Variants in PDE1C observed in about 807,000 individuals in gnomAD.
PDE1C encodes the protein phosphodiesterase 1C.
PDE1C carries 62 observed loss-of-function variants against 93.1 expected under a neutral mutation model. That is an observed-to-expected ratio of 0.67 (90% CI 0.54 to 0.82). The LOEUF is 0.82. Ranked by LOEUF, PDE1C falls within the 40% of genes least tolerant of loss-of-function variation. PDE1C has a pLI of 0.00. For missense variants in PDE1C, 742 were observed against 884.6 expected (o/e 0.84, Z 2.04); for synonymous variants, 325 against 310.1 (o/e 1.05, Z -0.50).
chr7:31,972,746 C>T lies in PDE1C; in HGVS notation c.128+78808G>A, dbSNP rs192547697. 2.0e-5 allele frequency among the ~76,000 whole-genome samples: 3 copies of T among 152,266 alleles called. No individual in the cohort carries two copies. In the East Asian group the frequency reaches 5.8e-4, roughly 29 times the overall value. On this transcript the variant is annotated intron_variant, in intron 2 of 17. Coordinates refer to ENST00000396191, the MANE Select transcript of PDE1C (RefSeq NM_001191057.4). ...AGCACAGCAACCTAAAATCTCCTAA[C>T]CACCCATCCGGAGGCAGAAGATGTC...
intron 3 of PDE1C, among the ~76,000 whole-genome samples, chr7:32,159,111 G>A (rs568816533): frequency 2.0e-5 from 3 of 152,318 alleles, no homozygotes; most frequent in East Asian, 1.9e-4. Flanking sequence ...TCTGGGAGAC[G>A]GGGAGAGGGT....
At chr7:32,411,501 G>A (rs911959535) in intron 1 of PDE1C, among the ~76,000 whole-genome samples, 5 of 152,150 alleles carry the variant, frequency 3.3e-5, no homozygotes, top group African/African-American at 9.7e-5. Flanking sequence ...TACAAATGTG[G>A]TATAAAAGAT....
At chr7:32,374,058 G>A (rs1784376637) in intron 1 of PDE1C, among the ~76,000 whole-genome samples, 2 of 120,968 alleles carry the variant, frequency 1.7e-5, no homozygotes, top group African/African-American at 3.1e-5. Flanking sequence ...AGAAAGGGAG[G>A]TAGGCAGGAA....
chr7:31,868,662 C>T (rs566605644), intron 6 of PDE1C, among the ~76,000 whole-genome samples: 90 of 152,120 alleles, frequency 5.9e-4, no homozygotes, highest in Non-Finnish European at 1.1e-3. Context: ...CCAAACGTAG[C>T]AATAGACTTA....
chr7:31,680,908 C>T, the PDE1C span, among the ~76,000 whole-genome samples: 1 of 152,124 alleles, frequency 6.6e-6, no homozygotes. Context: ...ATCAGATGCC[C>T]AGTCAAGCAT....
At chr7:31,618,548 T>C in the PDE1C span, among the ~76,000 whole-genome samples, 2 of 151,894 alleles carry the variant, frequency 1.3e-5, no homozygotes, top group African/African-American at 4.8e-5. Context: ...TCAGAAAAGG[T>C]AGAGATGATG....
intron 1 of PDE1C, among the ~76,000 whole-genome samples, chr7:32,332,273 G>C (rs1371103474): frequency 6.6e-6 from 1 of 152,046 alleles, no homozygotes; most frequent in Non-Finnish European, 1.5e-5. Context: ...ATAAACATAT[G>C]AAAAGGGGCC....
At chr7:32,124,072 G>C (rs1317157997) in intron 3 of PDE1C, among the ~76,000 whole-genome samples, 1 of 152,064 alleles carries the variant, frequency 6.6e-6, no homozygotes, top group Non-Finnish European at 1.5e-5. Context: ...TTGACAAGCA[G>C]ACAGCCAAAT....
At chr7:32,050,970 T>C (rs1268341877) in intron 2 of PDE1C, among the ~76,000 whole-genome samples, 3 of 152,212 alleles carry the variant, frequency 2.0e-5, no homozygotes, top group Non-Finnish European at 4.4e-5. Flanking sequence ...AGTGACCACC[T>C]GATCCCTCAT....
At chr7:31,691,797 T>TAAAAAAAAA in the PDE1C span, among the ~76,000 whole-genome samples, 20 of 86,520 alleles carry the variant, frequency 2.3e-4, no homozygotes, top group African/African-American at 6.7e-4. Flanking sequence ...ATGTAATGAT[T>TAAAAAAAAA]AAAAAAAAAA....
intron 12 of PDE1C, among the ~76,000 whole-genome samples, chr7:31,825,391 G>A (rs566414370): frequency 6.6e-6 from 1 of 152,242 alleles, no homozygotes; most frequent in East Asian, 1.9e-4. Flanking sequence ...AAGTGACAGA[G>A]ATGGGAGGGT....
At chr7:32,259,111 G>A (rs78901624) in intron 1 of PDE1C, among the ~76,000 whole-genome samples, 3 of 152,116 alleles carry the variant, frequency 2.0e-5, no homozygotes, top group Non-Finnish European at 2.9e-5. Flanking sequence ...CTGATTTTTA[G>A]GCATTTCACG....
At chr7:31,865,234 T>G in intron 6 of PDE1C, 152 bp from the exon 7 acceptor site, 1 of 695,262 alleles carries the variant, frequency 1.4e-6, no homozygotes, top group South Asian at 2.3e-5. Flanking sequence ...CTGACAAAAT[T>G]ATCAGATAAT....
chr7:31,815,379 A>G (rs1269763017), intron 15 of PDE1C, among the ~76,000 whole-genome samples: 2 of 152,148 alleles, frequency 1.3e-5, no homozygotes, highest in East Asian at 1.9e-4. Flanking sequence ...TATGCACACT[A>G]TGGTGACCAG....
intron 2 of PDE1C, among the ~76,000 whole-genome samples, chr7:32,026,947 T>C (rs1017847208): frequency 1.3e-5 from 2 of 152,234 alleles, no homozygotes; most frequent in African/African-American, 4.8e-5. Context: ...TCCAACTATA[T>C]GACATTCTGG....
At chr7:31,826,932 G>C (rs1211762197) in intron 12 of PDE1C, among the ~76,000 whole-genome samples, 2 of 152,124 alleles carry the variant, frequency 1.3e-5, no homozygotes, top group Non-Finnish European at 2.9e-5. Flanking sequence ...AGCAGCCATA[G>C]ACAATATGTA....
intron 9 of PDE1C, among the ~76,000 whole-genome samples, chr7:31,840,224 C>A (rs1322022808): frequency 6.6e-6 from 1 of 152,074 alleles, no homozygotes; most frequent in Non-Finnish European, 1.5e-5. Flanking sequence ...TCTTTGTTGA[C>A]TATGTCAGGC....
At chr7:31,656,625 A>G in the PDE1C span, 8 of 370,646 alleles carry the variant, frequency 2.2e-5, no homozygotes, top group East Asian at 4.9e-4. Flanking sequence ...GAGACAATGA[A>G]GAGAATGAAC....
At chr7:31,952,894 C>T (rs920648148) in intron 2 of PDE1C, among the ~76,000 whole-genome samples, 2 of 152,140 alleles carry the variant, frequency 1.3e-5, no homozygotes, top group Middle Eastern at 3.4e-3. Flanking sequence ...TAAGTTCCCT[C>T]GCCCCATCAG....
Sources: gnomAD v4.1 joint callset for allele counts (sites outside exome capture counted in the v4.1 genomes callset) on GRCh38, gnomAD v4.1.1 for gene constraint, MANE v1.5 for transcripts, NCBI Gene and HGNC (gene_info 2026-07-23, HGNC 2026-07-21) for gene names.